The following TACC1 variants were observed in gnomAD, a reference collection of about 807,000 sequenced individuals.
The protein encoded by TACC1 is transforming acidic coiled-coil-containing protein 1.
A neutral mutation model predicts 84.4 loss-of-function variants in TACC1; 48 were observed. The ratio of observed to expected loss-of-function variants is 0.57; its 90% CI spans 0.45 to 0.72. The LOEUF is 0.72. TACC1 is among the 30% of genes least tolerant of loss of function. TACC1 has a pLI of 0.00. For missense variants in TACC1, 920 were observed against 973.0 expected, an observed-to-expected ratio of 0.95 and a Z score of 0.72; for synonymous variants, 372 against 376.3, an observed-to-expected ratio of 0.99 and a Z score of 0.13.
intron 11 of TACC1, 129 bp downstream of exon 11, chr8:38,843,524 C>A: frequency 1.8e-6 from 1 of 566,864 alleles, no homozygotes; most frequent in Admixed American, 4.0e-5. Flanking sequence ...CTTTTTAAAC[C>A]CTTTTCCCAT....
intron 2 of TACC1, among the ~76,000 whole-genome samples, chr8:38,809,065 G>A (rs901701673): frequency 6.6e-6 from 1 of 152,078 alleles, no homozygotes; most frequent in Non-Finnish European, 1.5e-5. Context: ...TTTCAGTGGA[G>A]TTCCTTCAGC....
At chr8:38,736,080 TG>T (rs1299798473) in intron 1 of TACC1, among the ~76,000 whole-genome samples, 1 of 152,214 alleles carries the variant, frequency 6.6e-6, no homozygotes, top group Non-Finnish European at 1.5e-5. Flanking sequence ...GTCTGGTGGC[TG>T]CCAGCATTCC....
chr8:38,822,621 A>C (rs1827138204), intron 3 of TACC1, among the ~76,000 whole-genome samples: 1 of 152,260 alleles, frequency 6.6e-6, no homozygotes, highest in Non-Finnish European at 1.5e-5. Context: ...TGACTCTTGT[A>C]ATAAAACTTA....
chr8:38,787,377 A>G lies in TACC1; in HGVS notation c.-206A>G. The G allele has an allele frequency of 7.5e-7, 1 of 1,334,226 alleles. No homozygotes were observed. Among genetic ancestry groups the G allele is most frequent in the South Asian group, 1.9e-5 (1 of 51,640 alleles). 82.6% of individuals were successfully genotyped at this position (1,334,226 alleles called of 1,614,324 possible). On this transcript the variant is annotated 5_prime_UTR_variant, in exon 1 of 13. Coordinates refer to ENST00000317827, the MANE Select transcript of TACC1 (RefSeq NM_006283.3). The stretch of plus-strand genomic sequence containing the variant: ...CCCGCTGCGGCCGCACCGTGAGGGG[A>G]GGAGGCCGAGGAGGACGCAGCGCCG...
chr8:38,842,430 C>A lies in TACC1; in HGVS notation c.2104C>A (p.Leu702Met). Residue 702 changes from leucine (L) to methionine (M), a missense_variant, in exon 10 of 13, where the codon CTG becomes ATG. By Grantham distance (15) the Leu-to-Met change is conservative (BLOSUM62 2). Coordinates refer to ENST00000317827, the MANE Select transcript of TACC1 (RefSeq NM_006283.3). ...FRRYENLKGV[L>M]EGFKKNEEAL... is the part of the protein sequence containing the mutation. ...GAGATATGAGAACCTGAAAGGTGTT[C>A]TGGAAGGGTTCAAGAAGGTAGAGTG... 1 of 1,611,880 alleles carries A rather than the reference C, an allele frequency of 6.2e-7. No homozygotes were observed. The highest frequency in any genetic ancestry group is 8.5e-7 in the Non-Finnish European group (1 of 1,179,360).
intron 3 of TACC1, chr8:38,823,932 T>C: frequency 7.9e-7 from 1 of 1,264,342 alleles, no homozygotes; most frequent in Non-Finnish European, 1.1e-6. Flanking sequence ...AGTCTTTACA[T>C]GATTTTTTTC....
At chr8:38,846,167 C>T (rs2152335741) in intron 11 of TACC1, 1 of 151,062 alleles carries the variant, frequency 6.6e-6, no homozygotes, top group African/African-American at 2.4e-5. Flanking sequence ...CCTGTAGTCC[C>T]AGCTACTCGG....
At chr8:38,742,031 G>T (rs1421052156) in intron 1 of TACC1, among the ~76,000 whole-genome samples, 1 of 152,166 alleles carries the variant, frequency 6.6e-6, no homozygotes, top group East Asian at 1.9e-4. Context: ...TGAAAATACA[G>T]ACTGACACTG....
chr8:38,836,237 T>G lies in TACC1; in HGVS notation c.1789T>G (p.Cys597Gly). Residue 597 changes from cysteine to glycine, a missense_variant, in exon 7 of 13, where the codon TGC becomes GGC. Cys to Gly is a radical substitution (Grantham distance 159, BLOSUM62 -3). Coordinates refer to ENST00000317827, the MANE Select transcript of TACC1 (RefSeq NM_006283.3). ...AGGTGAGAGCCCCCTGGATGGGATC[T>G]GCCTCAGCGAATCAGACAAGACAGC... ...CGGESPLDGI[C>G]LSESDKTAVL... 6.2e-7 allele frequency: 1 copy of G among 1,612,920 alleles called. No individual in the cohort carries two copies. Among genetic ancestry groups the G allele is most frequent in the Non-Finnish European group, 8.5e-7 (1 of 1,179,852 alleles).
intron 3 of TACC1, among the ~76,000 whole-genome samples, chr8:38,769,638 A>G (rs1587470171): frequency 8.1e-6 from 1 of 123,576 alleles, no homozygotes; most frequent in African/African-American, 3.2e-5. Context: ...GTGTGTGACT[A>G]CGTGGGGTGT....
At chr8:38,828,558 CTGTT>C (rs1828604046) in intron 5 of TACC1, among the ~76,000 whole-genome samples, 1 of 152,152 alleles carries the variant, frequency 6.6e-6, no homozygotes, top group South Asian at 2.1e-4. Context: ...TTAGCAAGTC[CTGTT>C]TGTTCCAATT....
intron 12 of TACC1, among the ~76,000 whole-genome samples, chr8:38,847,098 CCTTT>C (rs974555325): frequency 4.6e-5 from 7 of 152,220 alleles, no homozygotes; most frequent in East Asian, 3.9e-4. Flanking sequence ...CATGAGACTG[CCTTT>C]CTTTCTTTCT....
At position 38,827,404 on chromosome 8, in the gene TACC1, T is replaced by C. The variant is rs1344365580; in HGVS notation, c.1660+29T>C. 18 of 1,609,638 alleles carry C rather than the reference T, an allele frequency of 1.1e-5. No homozygotes were observed. The Admixed American group carries it at 2.0e-4, about 18-fold the overall frequency. Reference sequence around the variant, plus strand: ...TGGAAGCATATCTTCATCTTTCTAATGTACATAAGCATGGAAATGCCTGAA... The same window carrying C: ...TGGAAGCATATCTTCATCTTTCTAACGTACATAAGCATGGAAATGCCTGAA... On this transcript the variant is annotated intron_variant, in intron 5 of 12. Coordinates refer to ENST00000317827, the MANE Select transcript of TACC1 (RefSeq NM_006283.3).
chr8:38,781,403 G>A (rs538315440), intron 3 of TACC1, among the ~76,000 whole-genome samples: 1 of 146,160 alleles, frequency 6.8e-6, no homozygotes, highest in African/African-American at 2.5e-5. Context: ...TTTTTTTGAG[G>A]CGGAGACTTG....
chr8:38,835,771 GT>G (rs1445783857), intron 6 of TACC1, among the ~76,000 whole-genome samples: 1 of 152,182 alleles, frequency 6.6e-6, no homozygotes, highest in African/African-American at 2.4e-5. Context: ...GCTGTCACTT[GT>G]TTTTGTTTTT....
At chr8:38,741,600 G>A (rs1807084204) in intron 1 of TACC1, among the ~76,000 whole-genome samples, 1 of 152,118 alleles carries the variant, frequency 6.6e-6, no homozygotes, top group South Asian at 2.1e-4. Flanking sequence ...TTTCTCAGTG[G>A]AATGACTAAA....
chr8:38,787,871 G>A, intron 1 of TACC1, 128 bp downstream of exon 1: 1 of 924,546 alleles, frequency 1.1e-6, no homozygotes, highest in Non-Finnish European at 1.5e-6. Flanking sequence ...GTCCCTGCCC[G>A]GAGCCGGGTC....
Position 38,745,358 on chromosome 8 carries a change from A to G in TACC1, c.-110A>G, listed in dbSNP as rs73677603. 4.1e-3 allele frequency: 2,447 copies of G among 596,366 alleles called. 44 individuals are homozygous for G. Among genetic ancestry groups the G allele is most frequent in the African/African-American group, 0.04 (2,132 of 53,458 alleles). 36.9% of individuals were successfully genotyped at this position (596,366 alleles called of 1,614,324 possible). On this transcript the variant is annotated 5_prime_UTR_variant, in exon 3 of 15. Coordinates refer to the TACC1 transcript ENST00000518415. ...AAGAACAGAATCTGGAATCTTCACAACCTAGCATTCATCATATCCAAGATT... is the reference window on the plus strand; with the variant it reads ...AAGAACAGAATCTGGAATCTTCACAGCCTAGCATTCATCATATCCAAGATT...
At chr8:38,826,853 C>T in intron 4 of TACC1, among the ~76,000 whole-genome samples, 1 of 150,758 alleles carries the variant, frequency 6.6e-6, no homozygotes, top group East Asian at 1.9e-4. Context: ...CATAGATTTT[C>T]AAAAAAAAAT....
Sources: allele counts gnomAD v4.1 joint callset (sites outside exome capture counted in the v4.1 genomes callset), GRCh38; gene constraint gnomAD v4.1.1; transcripts MANE v1.5; gene names NCBI Gene and HGNC (gene_info 2026-07-23, HGNC 2026-07-21).